TAS2R4: variants seen among roughly 807,000 people sequenced by gnomAD.
TAS2R4 encodes taste 2 receptor member 4.
In TAS2R4, 18 loss-of-function variants were observed where a neutral mutation model predicts 14.3. The ratio of observed to expected loss-of-function variants is 1.26; its 90% confidence interval spans 0.87 to 1.86. TAS2R4 has a LOEUF of 1.86. TAS2R4 is among the 40% of genes most tolerant of loss of function. TAS2R4 has a pLI of 0.00. For synonymous variants in TAS2R4, 130 were observed against 138.5 expected (o/e 0.94, Z 0.43); for missense variants, 306 against 342.7 (o/e 0.89, Z 0.85).
rs1800313341 is a variant in TAS2R4 at position 141,780,958 on chromosome 7, G to A, written c.*1570G>A. 6.7e-6 allele frequency: 1 copy of A among 150,112 alleles called. No individual in the cohort carries two copies. The highest frequency in any genetic ancestry group is 2.5e-4 in the South Asian group (1 of 3,988). 9.3% of individuals were successfully genotyped at this position (150,112 alleles called of 1,614,324 possible). Reference sequence around the variant, plus strand: ...GAGAGATAAAAGGATTACTGAGAGTGATTAAATGCATACTATGTCTTAAGA... The same window carrying A: ...GAGAGATAAAAGGATTACTGAGAGTAATTAAATGCATACTATGTCTTAAGA... On this transcript the variant is annotated 3_prime_UTR_variant, in exon 1 of 1. Transcript: ENST00000247881.
In TAS2R4 at chr7:141,781,399, T is replaced by C. The variant is rs1800318533; in HGVS notation, c.*2011T>C. Among the ~76,000 whole-genome samples the C allele has an allele frequency of 6.6e-6, 1 of 152,228 alleles. No individual in the cohort carries two copies. Among genetic ancestry groups the C allele is most frequent in the Non-Finnish European group, 1.5e-5 (1 of 68,030 alleles). ...TCAGTGTCTCCATTCTTTCAGGTGC[T>C]GGAGTTTTGGTCTCTGTTACCTTAG... On this transcript the variant is annotated 3_prime_UTR_variant, in exon 1 of 1. Coordinates refer to ENST00000247881, the MANE Select transcript of TAS2R4 (RefSeq NM_016944.2).
rs562812717 is a variant in TAS2R4 at position 141,778,113 on chromosome 7, G to A, written c.-376G>A. Among the ~76,000 whole-genome samples, 20 of 152,226 alleles carry A rather than the reference G, an allele frequency of 1.3e-4. No homozygotes were observed. The highest frequency in any genetic ancestry group is 4.6e-4 in the Admixed American group (7 of 15,284). On this transcript the variant is annotated 5_prime_UTR_variant, in exon 1 of 1. Coordinates refer to ENST00000247881, the MANE Select transcript of TAS2R4 (RefSeq NM_016944.2). ...CATTTTTATGAAGAAAAACTTTACC[G>A]TAAAACATTGACAGAAACATTGCTG...
In TAS2R4 at chr7:141,777,157, C is replaced by T. The variant is rs886810401; in HGVS notation, c.-1332C>T. Among the ~76,000 whole-genome samples, 2 of 152,180 alleles carry T rather than the reference C, an allele frequency of 1.3e-5. No individual in the cohort carries two copies. The highest frequency in any genetic ancestry group is 4.8e-5 in the African/African-American group (2 of 41,428). ...CCTTTTAGTCATAGTCTTCCTGGCT[C>T]ATTCTGTTTGCCTGCTTACCTGATG... On this transcript the variant is annotated 5_prime_UTR_variant, in exon 1 of 1. Coordinates refer to ENST00000247881, the MANE Select transcript of TAS2R4 (RefSeq NM_016944.2).
chr7:141,781,534 T>G lies in TAS2R4; in HGVS notation c.*2146T>G, dbSNP rs1800320186. On this transcript the variant is annotated 3_prime_UTR_variant, in exon 1 of 1. Coordinates refer to ENST00000247881, the MANE Select transcript of TAS2R4 (RefSeq NM_016944.2). ...CAAAGAACCTTTTTATATGACCTACTAAGTGAAATTGAAATAAAACCTGTA... is the reference window on the plus strand; with the variant it reads ...CAAAGAACCTTTTTATATGACCTACGAAGTGAAATTGAAATAAAACCTGTA... Among the ~76,000 whole-genome samples the G allele has an allele frequency of 6.6e-6, 1 of 152,062 alleles. No individual in the cohort carries two copies. Among genetic ancestry groups the G allele is most frequent in the Non-Finnish European group, 1.5e-5 (1 of 68,016 alleles).
At position 141,779,505 on chromosome 7, in the gene TAS2R4, T is replaced by A. The variant is rs1800293992; in HGVS notation, c.*117T>A. The A allele has an allele frequency of 1.9e-6, 2 of 1,052,086 alleles. No homozygotes were observed. The highest frequency in any genetic ancestry group is 3.2e-5 in the Admixed American group (1 of 31,438). The allele number at this position is 1,052,086 out of a possible 1,614,324, so 65.2% of individuals were successfully genotyped here. On this transcript the variant is annotated 3_prime_UTR_variant, in exon 1 of 1. Coordinates refer to ENST00000247881, the MANE Select transcript of TAS2R4 (RefSeq NM_016944.2). ...TTTTGTGATTGCTGATCTGACATCA[T>A]AGGCTTTTGAGTGCCTGAATTTCAG...
chr7:141,780,819 C>T lies in TAS2R4; in HGVS notation c.*1431C>T, dbSNP rs1800312134. On this transcript the variant is annotated 3_prime_UTR_variant, in exon 1 of 1. Transcript: ENST00000247881. Reference sequence around the variant, plus strand: ...ATAAATCTTAAAATTTTATAAATTACATGACTTTTCTCATTCTGGCCACCA... The same window carrying T: ...ATAAATCTTAAAATTTTATAAATTATATGACTTTTCTCATTCTGGCCACCA... 1 of 152,090 alleles carries T rather than the reference C, an allele frequency of 6.6e-6. No homozygotes were observed. The highest frequency in any genetic ancestry group is 2.4e-5 in the African/African-American group (1 of 41,406). The allele number at this position is 152,090 out of a possible 1,614,324, so 9.4% of individuals were successfully genotyped here.
At position 141,780,333 on chromosome 7, in the gene TAS2R4, G is replaced by A. The variant is rs1800307067; in HGVS notation, c.*945G>A. 1 of 152,206 alleles carries A rather than the reference G, an allele frequency of 6.6e-6. No individual in the cohort carries two copies. Among genetic ancestry groups the A allele is most frequent in the Admixed American group, 6.5e-5 (1 of 15,282 alleles). 9.4% of individuals were successfully genotyped at this position (152,206 alleles called of 1,614,324 possible). ...GTTTCTAGGCTTGTTCTGGAAAAGAGGATATTGCCAGAGTTGGTAAGTAGA... is the reference window on the plus strand; with the variant it reads ...GTTTCTAGGCTTGTTCTGGAAAAGAAGATATTGCCAGAGTTGGTAAGTAGA... On this transcript the variant is annotated 3_prime_UTR_variant, in exon 1 of 1. Coordinates refer to ENST00000247881, the MANE Select transcript of TAS2R4 (RefSeq NM_016944.2).
rs1800314694 is a variant in TAS2R4, at chr7:141,781,086, A to C, written c.*1698A>C. On this transcript the variant is annotated 3_prime_UTR_variant, in exon 1 of 1. Transcript: ENST00000247881. ...ATTAGCTGTTCAGAATTTTGGCAGC[A>C]AATTCCATTATTGCCATGTATGTGA... Among the ~76,000 whole-genome samples the C allele has an allele frequency of 6.6e-6, 1 of 152,184 alleles. No individual in the cohort carries two copies. Among genetic ancestry groups the C allele is most frequent in the African/African-American group, 2.4e-5 (1 of 41,462 alleles).
rs1189393014 is a variant in TAS2R4, at chr7:141,776,727, TATC to T, written c.-1758_-1756del. On this transcript the variant is annotated 5_prime_UTR_variant, in exon 1 of 1. Transcript: ENST00000247881. ...TATCATATAAGGATAAGATTATCCT[TATC>T]ATCCTTATCATCATGATAAGGAAAA... Among the ~76,000 whole-genome samples, 1 of 152,098 alleles carries T rather than the reference TATC, an allele frequency of 6.6e-6. No homozygotes were observed. Among genetic ancestry groups the T allele is most frequent in the Non-Finnish European group, 1.5e-5 (1 of 67,996 alleles).
At position 141,778,671 on chromosome 7, in the gene TAS2R4, A is replaced by G. The variant is rs913950588; in HGVS notation, c.183A>G (p.Leu61=). 4 of 1,614,160 alleles carry G rather than the reference A, an allele frequency of 2.5e-6. No homozygotes were observed. The highest frequency in any genetic ancestry group is 1.7e-5 in the Admixed American group (1 of 60,022). The change falls in exon 1 of 1, where the codon CTA becomes CTG. Residue 61 remains leucine (L), a synonymous_variant. Coordinates refer to ENST00000247881, the MANE Select transcript of TAS2R4 (RefSeq NM_016944.2). Reference sequence around the variant, plus strand: ...TCACCAGGTTTCTTATGCTGGGACTATTTCTGGTGAACACCATCTACTTCG... The same window carrying G: ...TCACCAGGTTTCTTATGCTGGGACTGTTTCTGGTGAACACCATCTACTTCG... The part of the protein sequence containing the change: ...LGITRFLMLG[L]FLVNTIYFVS...
Position 141,776,714 on chromosome 7 carries a change from A to G in TAS2R4, c.-1775A>G, listed in dbSNP as rs1420023021. Among the ~76,000 whole-genome samples, 1 of 151,598 alleles carries G rather than the reference A, an allele frequency of 6.6e-6. No individual in the cohort carries two copies. Among genetic ancestry groups the G allele is most frequent in the Non-Finnish European group, 1.5e-5 (1 of 67,912 alleles). ...ATGTTCTTACCCTTATCATATAAGG[A>G]TAAGATTATCCTTATCATCCTTATC... On this transcript the variant is annotated 5_prime_UTR_variant, in exon 1 of 1. Coordinates refer to ENST00000247881, the MANE Select transcript of TAS2R4 (RefSeq NM_016944.2).
rs1182341793 is a variant in TAS2R4, at chr7:141,780,613, A to AAT, written c.*1225_*1226insAT. ...CTGCTTATACATTTGTACACAGCAC[A>AAT]GTTCTTCTCCAGAATGTTGTTTCTG... On this transcript the variant is annotated 3_prime_UTR_variant, in exon 1 of 1. Coordinates refer to ENST00000247881, the MANE Select transcript of TAS2R4 (RefSeq NM_016944.2). The AAT allele has an allele frequency of 6.6e-6, 1 of 152,200 alleles. No individual in the cohort carries two copies. The highest frequency in any genetic ancestry group is 1.5e-5 in the Non-Finnish European group (1 of 68,038). The allele number at this position is 152,200 out of a possible 1,614,324, so 9.4% of individuals were successfully genotyped here.
At position 141,779,145 on chromosome 7, in the gene TAS2R4, T is replaced by G; in HGVS notation, c.657T>G (p.Asn219Lys). 1 of 1,614,122 alleles carries G rather than the reference T, an allele frequency of 6.2e-7. No individual in the cohort carries two copies. Among genetic ancestry groups the G allele is most frequent in the African/African-American group, 1.3e-5 (1 of 75,028 alleles). Residue 219 changes from asparagine to lysine, a missense_variant, in exon 1 of 1, where the codon AAT becomes AAG. Physicochemically the swap from Asn to Lys is moderately conservative, Grantham distance 94. Coordinates refer to ENST00000247881, the MANE Select transcript of TAS2R4 (RefSeq NM_016944.2). ...AGAAAAATGCCACTGGTTTCTGGAA[T>G]CCCCAGACGGAAGCTCATGTAGGTG... is the stretch of plus-strand genomic sequence containing the variant. Reference protein sequence around the residue: ...KMQKNATGFWNPQTEAHVGAM... With the variant: ...KMQKNATGFWKPQTEAHVGAM...
chr7:141,779,307 T>C lies in TAS2R4; in HGVS notation c.819T>C (p.Ser273=). 2 of 1,614,188 alleles carry C rather than the reference T, an allele frequency of 1.2e-6. No homozygotes were observed. The highest frequency in any genetic ancestry group is 1.7e-6 in the Non-Finnish European group (2 of 1,180,018). Reference sequence around the variant, plus strand: ...GTCTGATTTTTGCCACCCTTTACTCTCCAGGACATTCTGTTCTCATTATTA... The same window carrying C: ...GTCTGATTTTTGCCACCCTTTACTCCCCAGGACATTCTGTTCTCATTATTA... ...SICLIFATLY[S]PGHSVLIIIT... is the part of the protein sequence containing the mutation. Residue 273 remains serine (S), a synonymous_variant, in exon 1 of 1, where the codon TCT becomes TCC. Transcript: ENST00000247881.
chr7:141,781,180 T>C lies in TAS2R4; in HGVS notation c.*1792T>C, dbSNP rs537480570. ...TCCTACCTTCCCTTCTTTAATCTTTTCTTTGTTACTCCCTCCATGAGCTGG... is the reference window on the plus strand; with the variant it reads ...TCCTACCTTCCCTTCTTTAATCTTTCCTTTGTTACTCCCTCCATGAGCTGG... On this transcript the variant is annotated 3_prime_UTR_variant, in exon 1 of 1. Coordinates refer to ENST00000247881, the MANE Select transcript of TAS2R4 (RefSeq NM_016944.2). Among the ~76,000 whole-genome samples, 1 of 152,334 alleles carries C rather than the reference T, an allele frequency of 6.6e-6. No homozygotes were observed. The highest frequency in any genetic ancestry group is 1.5e-5 in the Non-Finnish European group (1 of 68,034).
At position 141,779,433 on chromosome 7, in the gene TAS2R4, G is replaced by A; in HGVS notation, c.*45G>A. 1 of 1,517,434 alleles carries A rather than the reference G, an allele frequency of 6.6e-7. No individual in the cohort carries two copies. The highest frequency in any genetic ancestry group is 8.8e-7 in the Non-Finnish European group (1 of 1,130,428). 94.0% of individuals were successfully genotyped at this position (1,517,434 alleles called of 1,614,324 possible). ...ACCTAGATTTACCTGATGGTTTGGGGGCAAGATTTTCTGTTTGCAGTTTTC... is the reference window on the plus strand; with the variant it reads ...ACCTAGATTTACCTGATGGTTTGGGAGCAAGATTTTCTGTTTGCAGTTTTC... On this transcript the variant is annotated 3_prime_UTR_variant, in exon 1 of 1. Transcript: ENST00000247881.
At position 141,777,174 on chromosome 7, in the gene TAS2R4, T is replaced by TA. The variant is rs1330970070; in HGVS notation, c.-1314dup. Among the ~76,000 whole-genome samples, 2 of 152,210 alleles carry TA rather than the reference T, an allele frequency of 1.3e-5. No homozygotes were observed. The highest frequency in any genetic ancestry group is 2.9e-5 in the Non-Finnish European group (2 of 68,048). ...TCCTGGCTCATTCTGTTTGCCTGCT[T>TA]ACCTGATGTGGGCATGCCTCTATCA... On this transcript the variant is annotated 5_prime_UTR_variant, in exon 1 of 1. Coordinates refer to ENST00000247881, the MANE Select transcript of TAS2R4 (RefSeq NM_016944.2).
rs1352851383 is a variant in TAS2R4, at chr7:141,778,204, C to G, written c.-285C>G. ...TGCTGTGACTCTTCCCTCTCGCCCT[C>G]CTGCTCTTGGAGGAGTGGACTCCCA... is the stretch of plus-strand genomic sequence containing the variant. On this transcript the variant is annotated 5_prime_UTR_variant, in exon 1 of 1. Transcript: ENST00000247881. 6.6e-6 allele frequency among the ~76,000 whole-genome samples: 1 copy of G among 152,160 alleles called. No homozygotes were observed. Among genetic ancestry groups the G allele is most frequent in the Non-Finnish European group, 1.5e-5 (1 of 68,024 alleles).
rs1241457923 is a variant in TAS2R4, at chr7:141,780,430, T to C, written c.*1042T>C. 1 of 152,192 alleles carries C rather than the reference T, an allele frequency of 6.6e-6. No individual in the cohort carries two copies. Among genetic ancestry groups the C allele is most frequent in the African/African-American group, 2.4e-5 (1 of 41,450 alleles). 9.4% of individuals were successfully genotyped at this position (152,192 alleles called of 1,614,324 possible). On this transcript the variant is annotated 3_prime_UTR_variant, in exon 1 of 1. Coordinates refer to ENST00000247881, the MANE Select transcript of TAS2R4 (RefSeq NM_016944.2). ...AATCTTAAAATCCAGGGAAACCAGC[T>C]TAAGGTCAAAGGCAAGTGCTAGATA...
Sources: gnomAD v4.1 joint callset for allele counts (sites outside exome capture counted in the v4.1 genomes callset) on GRCh38, gnomAD v4.1.1 for gene constraint, MANE v1.5 for transcripts, NCBI Gene and HGNC (gene_info 2026-07-23, HGNC 2026-07-21) for gene names.